Variants in KCNIP4 observed in about 807,000 individuals in gnomAD.
KCNIP4 encodes the protein potassium voltage-gated channel interacting protein 4, also known as Kv channel-interacting protein 4.
A neutral mutation model predicts 34.0 loss-of-function variants in KCNIP4; 12 were observed. The observed-to-expected ratio is 0.35, with a 90% CI of 0.23 to 0.57. The LOEUF (loss-of-function observed/expected upper bound fraction) is 0.57, where lower values mean the gene tolerates loss of function less well. KCNIP4 is among the 20% of genes least tolerant of loss of function. The probability of loss-of-function intolerance (pLI) is 0.83; values close to 1 mark genes in which losing one functional copy is unlikely to be tolerated. For missense variants in KCNIP4, 238 were observed against 311.7 expected (o/e 0.76, Z 1.78); for synonymous variants, 124 against 102.2 (o/e 1.21, Z -1.29).
chr4:21,850,076 G>A (rs1295041595), intron 1 of KCNIP4: 1 of 151,898 alleles, frequency 6.6e-6, no homozygotes, highest in Non-Finnish European at 1.5e-5. Context: ...GTTATTTTGT[G>A]AGATAAACAG....
intron 1 of KCNIP4, among the ~76,000 whole-genome samples, chr4:21,372,278 A>AT (rs1389953706): frequency 6.8e-6 from 1 of 146,846 alleles, no homozygotes; most frequent in Non-Finnish European, 1.5e-5. Context: ...TGAAAATTCC[A>AT]TTTTTTAAAG....
chr4:20,730,906 TCACC>T (rs1747965791), intron 8 of KCNIP4, among the ~76,000 whole-genome samples: 1 of 151,980 alleles, frequency 6.6e-6, no homozygotes, highest in Admixed American at 6.6e-5. Context: ...CCAAGTAACA[TCACC>T]GTCAAGCAGC....
chr4:21,266,426 G>A (rs1157595028), intron 1 of KCNIP4, among the ~76,000 whole-genome samples: 2 of 152,060 alleles, frequency 1.3e-5, no homozygotes, highest in African/African-American at 4.8e-5. Context: ...AAAATACATT[G>A]AGGACAACTC....
At chr4:21,459,713 T>G (rs556658434) in intron 1 of KCNIP4, among the ~76,000 whole-genome samples, 3 of 152,092 alleles carry the variant, frequency 2.0e-5, no homozygotes, top group Non-Finnish European at 4.4e-5. Flanking sequence ...ACAGGTGAAG[T>G]CTTATAATTA....
intron 1 of KCNIP4, among the ~76,000 whole-genome samples, chr4:21,455,328 C>T (rs567950566): frequency 1.3e-5 from 2 of 152,140 alleles, no homozygotes; most frequent in South Asian, 4.1e-4. Flanking sequence ...GCATCTATTA[C>T]AGTCTTTCAG....
In KCNIP4 at chr4:21,344,475, G is replaced by T. The variant is rs368811243; in HGVS notation, c.62-461766C>A. ...ACCAAATTGCAAAGATCAGGAGAGA[G>T]TTTTAAGAAACAGTGGGGCAGATAA... On this transcript the variant is annotated intron_variant, in intron 1 of 8. Coordinates refer to ENST00000382152, the MANE Select transcript of KCNIP4 (RefSeq NM_025221.6). Among the ~76,000 whole-genome samples, 417 of 152,250 alleles carry T rather than the reference G, an allele frequency of 2.7e-3. 1 individual carries two copies. Among genetic ancestry groups the T allele is most frequent in the African/African-American group, 9.3e-3 (385 of 41,540 alleles).
At chr4:21,246,524 C>T (rs1039000203) in intron 1 of KCNIP4, among the ~76,000 whole-genome samples, 1 of 152,138 alleles carries the variant, frequency 6.6e-6, no homozygotes, top group East Asian at 1.9e-4. Context: ...GAACCATTAT[C>T]GATTTAGGCC....
chr4:21,578,371 G>T (rs1428567264), intron 1 of KCNIP4, among the ~76,000 whole-genome samples: 1 of 143,428 alleles, frequency 7.0e-6, no homozygotes, highest in Non-Finnish European at 1.5e-5. Context: ...GTTCATGCTA[G>T]CTAAATGTGA....
chr4:21,486,896 C>T (rs1731971154), intron 1 of KCNIP4, among the ~76,000 whole-genome samples: 1 of 150,010 alleles, frequency 6.7e-6, no homozygotes, highest in Admixed American at 6.6e-5. Context: ...CCTCCATCTC[C>T]TGGGCTCAAG....
At chr4:21,481,123 T>A (rs936257686) in intron 1 of KCNIP4, among the ~76,000 whole-genome samples, 1 of 152,142 alleles carries the variant, frequency 6.6e-6, no homozygotes, top group African/African-American at 2.4e-5. Flanking sequence ...GAAATTAGTA[T>A]AGGAAGTAGA....
At chr4:21,434,765 T>TGG (rs754344317) in intron 1 of KCNIP4, among the ~76,000 whole-genome samples, 29 of 106,760 alleles carry the variant, frequency 2.7e-4, no homozygotes, top group African/African-American at 9.2e-4. Flanking sequence ...ACCCTGTCTG[T>TGG]GGGGGGAAAA....
At position 21,083,271 on chromosome 4, in the gene KCNIP4, T is replaced by C. The variant is rs917983203; in HGVS notation, c.62-200562A>G. Among the ~76,000 whole-genome samples the C allele has an allele frequency of 5.9e-5, 9 of 151,750 alleles. 1 individual carries two copies. Among genetic ancestry groups the C allele is most frequent in the Admixed American group, 5.3e-4 (8 of 15,216 alleles). ...TCTCCCTCTCTCTCTTCCTCTCTCT[T>C]TTTTTTCTCTCCCTCTTTCCTTCCC... On this transcript the variant is annotated intron_variant, in intron 1 of 8. Transcript: ENST00000382152.
chr4:21,436,983 G>A (rs1726996374), intron 1 of KCNIP4, among the ~76,000 whole-genome samples: 1 of 152,140 alleles, frequency 6.6e-6, no homozygotes, highest in African/African-American at 2.4e-5. Context: ...CCTTCAGATG[G>A]AGCCAGGATA....
At chr4:21,244,240 C>T (rs1294618316) in intron 1 of KCNIP4, among the ~76,000 whole-genome samples, 1 of 152,090 alleles carries the variant, frequency 6.6e-6, no homozygotes, top group East Asian at 1.9e-4. Context: ...ATAGTCATCA[C>T]CCCAAACATT....
At chr4:21,811,534 G>A (rs760518501) in intron 1 of KCNIP4, among the ~76,000 whole-genome samples, 20 of 152,166 alleles carry the variant, frequency 1.3e-4, no homozygotes, top group African/African-American at 3.6e-4. Context: ...AAACTCAAGC[G>A]AAGTGGGTAG....
rs367868960 is a variant in KCNIP4 at position 21,714,956 on chromosome 4, T to C, written c.61+233615A>G. On this transcript the variant is annotated intron_variant, in intron 1 of 8. Transcript: ENST00000382152. ...TTTATTTTATTTTATTTTATTTTATTTTATTTTATTTTATTTTATTTTATT... is the reference window on the plus strand; with the variant it reads ...TTTATTTTATTTTATTTTATTTTATCTTATTTTATTTTATTTTATTTTATT... Among the ~76,000 whole-genome samples the C allele has an allele frequency of 7.7e-3, 2 of 260 alleles. 1 individual carries two copies. Among genetic ancestry groups the C allele is most frequent in the Non-Finnish European group, 0.011 (2 of 184 alleles). 0.2% of individuals were successfully genotyped at this position (260 alleles called of 152,430 possible).
At chr4:21,209,378 T>C (rs1425603322) in intron 1 of KCNIP4, among the ~76,000 whole-genome samples, 1 of 152,018 alleles carries the variant, frequency 6.6e-6, no homozygotes, top group African/African-American at 2.4e-5. Flanking sequence ...TTTTGTATCC[T>C]TTAGCAAATT....
chr4:21,410,636 T>C (rs1724420305), intron 1 of KCNIP4, among the ~76,000 whole-genome samples: 1 of 152,138 alleles, frequency 6.6e-6, no homozygotes, highest in Non-Finnish European at 1.5e-5. Flanking sequence ...GACCAACACC[T>C]TGACTGCAAC....
intron 1 of KCNIP4, among the ~76,000 whole-genome samples, chr4:21,442,326 T>A (rs560598637): frequency 5.9e-5 from 9 of 152,330 alleles, no homozygotes; most frequent in Non-Finnish European, 8.8e-5. Context: ...CCCTGACTGA[T>A]TTTTATCCAC....
Sources: allele counts gnomAD v4.1 joint callset (sites outside exome capture counted in the v4.1 genomes callset), GRCh38; gene constraint gnomAD v4.1.1; transcripts MANE v1.5; gene names NCBI Gene and HGNC (gene_info 2026-07-23, HGNC 2026-07-21).